Variants in DYNC2LI1 observed in about 807,000 individuals in gnomAD.
DYNC2LI1 encodes the protein cytoplasmic dynein 2 light intermediate chain 1.
DYNC2LI1 carries 45 observed loss-of-function variants against 51.9 expected under a neutral mutation model. That is an observed-to-expected ratio of 0.87 (90% CI 0.68 to 1.11). The LOEUF (loss-of-function observed/expected upper bound fraction) is 1.11. Ranked by LOEUF, DYNC2LI1 falls within the 50% of genes most tolerant of loss-of-function variation. The pLI is 0.00. For synonymous variants in DYNC2LI1, 130 were observed against 137.8 expected, an observed-to-expected ratio of 0.94 and a Z score of 0.40; for missense variants, 490 against 417.4, an observed-to-expected ratio of 1.17 and a Z score of -1.51.
intron 2 of DYNC2LI1, among the ~76,000 whole-genome samples, chr2:43,778,313 C>T (rs1673116360): frequency 1.3e-5 from 2 of 151,940 alleles, no homozygotes; most frequent in Non-Finnish European, 2.9e-5. Context: ...CCACCACACC[C>T]GGCTAATTTT....
the DYNC2LI1 span, among the ~76,000 whole-genome samples, chr2:43,818,443 C>A: frequency 6.6e-6 from 1 of 151,826 alleles, no homozygotes; most frequent in African/African-American, 2.4e-5. Context: ...AACTGTGTTT[C>A]AAAAAAACAA....
At chr2:43,817,055 G>A in the DYNC2LI1 span, among the ~76,000 whole-genome samples, 3 of 152,234 alleles carry the variant, frequency 2.0e-5, no homozygotes, top group African/African-American at 7.2e-5. Context: ...GGAATGACTA[G>A]CAGGTTGATG....
At chr2:43,784,544 A>G (rs1046335119) in intron 3 of DYNC2LI1, among the ~76,000 whole-genome samples, 3 of 151,846 alleles carry the variant, frequency 2.0e-5, no homozygotes, top group Non-Finnish European at 4.4e-5. Flanking sequence ...GGTTCAAGCG[A>G]TTCTCCTGCC....
chr2:43,802,987 A>C (rs1281298453), intron 10 of DYNC2LI1, among the ~76,000 whole-genome samples: 1 of 152,204 alleles, frequency 6.6e-6, no homozygotes, highest in Non-Finnish European at 1.5e-5. Context: ...TACATTTAAC[A>C]GGATAGCTAA....
At chr2:43,796,220 C>T (rs916526305) in intron 7 of DYNC2LI1, among the ~76,000 whole-genome samples, 5 of 151,778 alleles carry the variant, frequency 3.3e-5, no homozygotes, top group African/African-American at 1.2e-4. Flanking sequence ...GTAGTCCCAG[C>T]ACTTTGGGAG....
Position 43,780,906 on chromosome 2 carries a change from C to G in DYNC2LI1, c.127-2614C>G, listed in dbSNP as rs1673250745. Among the ~76,000 whole-genome samples the G allele has an allele frequency of 2.0e-5, 3 of 152,042 alleles. 1 individual carries two copies. The South Asian group carries it at 6.2e-4, about 32-fold the overall frequency. On this transcript the variant is annotated intron_variant, in intron 2 of 12. Coordinates refer to ENST00000260605, the MANE Select transcript of DYNC2LI1 (RefSeq NM_016008.4). The stretch of plus-strand genomic sequence containing the variant: ...AATGTTTCTTGAATTAGGAAACCCA[C>G]AAGACTACAGCCACATGCTCAGGGG...
the DYNC2LI1 span, chr2:43,824,688 G>A: frequency 8.3e-6 from 8 of 962,806 alleles, no homozygotes; most frequent in Non-Finnish European, 9.9e-6. Flanking sequence ...GCGCCAGTTT[G>A]TTTGAGAGAG....
intron 5 of DYNC2LI1, among the ~76,000 whole-genome samples, chr2:43,790,049 T>C (rs3792020): frequency 0.14 from 21,780 of 152,216 alleles, 2,113 homozygotes; most frequent in African/African-American, 0.26. Context: ...TAATTCTTTC[T>C]GTTATCCATC....
chr2:43,794,900 T>G (rs1470048207), intron 6 of DYNC2LI1: 9 of 1,379,224 alleles, frequency 6.5e-6, no homozygotes, highest in Non-Finnish European at 8.4e-6. Context: ...AAATAGAGTT[T>G]TAAAGTAGTG....
At chr2:43,805,131 G>A (rs747547878) in intron 11 of DYNC2LI1, 23 bp from the exon 12 acceptor site, 1 of 1,550,740 alleles carries the variant, frequency 6.4e-7, no homozygotes, top group Non-Finnish European at 8.9e-7. Context: ...GGCGTGAAGT[G>A]ATTTTGAGAT....
downstream of DYNC2LI1, chr2:43,814,708 TA>T: frequency 1.6e-6 from 1 of 624,850 alleles, no homozygotes; most frequent in Non-Finnish European, 2.8e-6. Context: ...CTCCTTATTA[TA>T]AAAATGATGC....
At chr2:43,791,316 T>G (rs1256441479) in intron 5 of DYNC2LI1, among the ~76,000 whole-genome samples, 1 of 152,186 alleles carries the variant, frequency 6.6e-6, no homozygotes, top group Admixed American at 6.5e-5. Flanking sequence ...GGCTCTTACC[T>G]GGGTTGGGAG....
chr2:43,812,599 C>T (rs1347497766), downstream of DYNC2LI1: 1 of 170,476 alleles, frequency 5.9e-6, no homozygotes, highest in Non-Finnish European at 1.3e-5. Flanking sequence ...AACTCCGACC[C>T]CTCGTGTGGA....
chr2:43,821,958 A>C, the DYNC2LI1 span, among the ~76,000 whole-genome samples: 5 of 151,692 alleles, frequency 3.3e-5, no homozygotes, highest in East Asian at 9.7e-4. Flanking sequence ...TGATTCCCCT[A>C]TCCCTACCTT....
At chr2:43,826,027 G>C in the DYNC2LI1 span, among the ~76,000 whole-genome samples, 1 of 152,156 alleles carries the variant, frequency 6.6e-6, no homozygotes, top group Non-Finnish European at 1.5e-5. Context: ...CCAGGCTAGA[G>C]TGCAATGGCA....
intron 8 of DYNC2LI1, among the ~76,000 whole-genome samples, chr2:43,798,180 G>A (rs754493570): frequency 7.9e-5 from 12 of 151,964 alleles, no homozygotes; most frequent in Non-Finnish European, 1.3e-4. Flanking sequence ...CCAAATTAAA[G>A]CACTCAGAGG....
At position 43,783,568 on chromosome 2, in the gene DYNC2LI1, TAA is replaced by T; in HGVS notation, c.161+15_161+16del. ...GTGTCTTGACAGGTAAGTGTTATGT[TAA>T]CCTTTAAACTATATTTATGCTTATT... On this transcript the variant is annotated intron_variant, in intron 3 of 12. Coordinates refer to ENST00000260605, the MANE Select transcript of DYNC2LI1 (RefSeq NM_016008.4). 6.7e-7 allele frequency: 1 copy of T among 1,501,574 alleles called. No individual in the cohort carries two copies. Among genetic ancestry groups the T allele is most frequent in the Non-Finnish European group, 8.9e-7 (1 of 1,121,624 alleles). 93.0% of individuals were successfully genotyped at this position (1,501,574 alleles called of 1,614,324 possible).
In DYNC2LI1 at chr2:43,796,715, C is replaced by T. The variant is rs1292818679; in HGVS notation, c.577-3C>T. On this transcript the variant is annotated splice_polypyrimidine_tract_variant and splice_region_variant and intron_variant, in intron 7 of 12. Transcript: ENST00000260605. ...GACTTTTTAAAATAACATATTTCTA[C>T]AGGATTTTGAGTCTGAGAAGAGAAA... is the stretch of plus-strand genomic sequence containing the variant. 12 of 1,606,748 alleles carry T rather than the reference C, an allele frequency of 7.5e-6. 1 individual carries two copies. Among genetic ancestry groups the T allele is most frequent in the Non-Finnish European group, 8.5e-6 (10 of 1,173,998 alleles).
chr2:43,825,601 GTTGTTA>G, the DYNC2LI1 span, among the ~76,000 whole-genome samples: 2 of 150,324 alleles, frequency 1.3e-5, no homozygotes, highest in Non-Finnish European at 3.0e-5. Context: ...TTGTTGTTTT[GTTGTTA>G]TTGTTGTTGT....
Sources: gnomAD v4.1 joint callset for allele counts (sites outside exome capture counted in the v4.1 genomes callset) on GRCh38, gnomAD v4.1.1 for gene constraint, MANE v1.5 for transcripts, NCBI Gene and HGNC (gene_info 2026-07-23, HGNC 2026-07-21) for gene names.